SPATA25: variants seen among roughly 807,000 people sequenced by gnomAD.
SPATA25 encodes the protein spermatogenesis associated 25, also known as spermatogenesis-associated protein 25.
SPATA25 carries 16 observed loss-of-function variants against 16.0 expected under a neutral mutation model. The ratio of observed to expected loss-of-function variants is 1.00; its 90% CI spans 0.68 to 1.52. The LOEUF is 1.52. Ranked by LOEUF, SPATA25 falls within the 40% of genes most tolerant of loss-of-function variation. The pLI is 0.00. For missense variants in SPATA25, 285 were observed against 289.2 expected, an observed-to-expected ratio of 0.99 and a Z score of 0.11; for synonymous variants, 115 against 118.5, an observed-to-expected ratio of 0.97 and a Z score of 0.19.
upstream of SPATA25, chr20:45,890,452 C>G: frequency 6.2e-7 from 1 of 1,606,646 alleles, no homozygotes; most frequent in African/African-American, 1.3e-5. Context: ...TCGGAGGCAG[C>G]ACGTTCAGCT....
upstream of SPATA25, among the ~76,000 whole-genome samples, chr20:45,888,293 C>G (rs908365861): frequency 3.3e-5 from 5 of 152,186 alleles, no homozygotes; most frequent in African/African-American, 1.2e-4. Flanking sequence ...GCTGGGATTA[C>G]AGGCCAGGTA....
upstream of SPATA25, chr20:45,890,863 G>A (rs752171358): frequency 2.5e-6 from 4 of 1,570,536 alleles, no homozygotes; most frequent in Admixed American, 5.5e-5. Context: ...CCACGCGTGT[G>A]GCCCGCGTCC....
upstream of SPATA25, chr20:45,890,542 C>T: frequency 6.2e-7 from 1 of 1,610,082 alleles, no homozygotes; most frequent in Non-Finnish European, 8.5e-7. Context: ...TGCGAAACTG[C>T]TCAATGCGCA....
Position 45,887,604 on chromosome 20 carries a change from C to T in SPATA25, c.-14G>A. ...GAAGTAGGACATGGCTTCCCCAAAG[C>T]CCCGGTTTGTGAGGGAATAGTGATC... is the stretch of plus-strand genomic sequence containing the variant. On this transcript the variant is annotated 5_prime_UTR_variant, in exon 1 of 2. Transcript: ENST00000372519. 1.9e-6 allele frequency: 3 copies of T among 1,612,928 alleles called. No individual in the cohort carries two copies. Among genetic ancestry groups the T allele is most frequent in the Non-Finnish European group, 2.5e-6 (3 of 1,179,306 alleles).
upstream of SPATA25, chr20:45,890,556 A>G (rs1222709014): frequency 6.2e-6 from 10 of 1,611,590 alleles, no homozygotes; most frequent in South Asian, 8.8e-5. Context: ...ATGCGCAGAT[A>G]TGGTTCCACG....
chr20:45,890,613 G>A (rs1223984971), upstream of SPATA25: 1 of 1,612,808 alleles, frequency 6.2e-7, no homozygotes, highest in South Asian at 1.1e-5. Flanking sequence ...GCCTCCGGGC[G>A]GCCCTCCCGG....
At chr20:45,888,530 G>C, upstream of SPATA25, 1 of 527,844 alleles carries the variant, frequency 1.9e-6, no homozygotes, top group Non-Finnish European at 3.4e-6. Flanking sequence ...CTAACAAGCA[G>C]CCAGCCTAGG....
chr20:45,888,910 G>A (rs1986594309), upstream of SPATA25: 1 of 1,612,904 alleles, frequency 6.2e-7, no homozygotes, highest in Non-Finnish European at 8.5e-7. Flanking sequence ...AACTGAACTG[G>A]AGGGTGGGTC....
chr20:45,890,005 A>C (rs191676385), upstream of SPATA25: 5 of 575,322 alleles, frequency 8.7e-6, no homozygotes, highest in East Asian at 1.5e-4. Context: ...TGAATACAGG[A>C]AACACTATCA....
At chr20:45,890,213 A>C (rs377477631), upstream of SPATA25, 579 of 1,612,548 alleles carry the variant, frequency 3.6e-4, 5 homozygotes, top group African/African-American at 7.1e-3. Context: ...CAGTCCCCAC[A>C]CTGAGCCAGG....
At position 45,887,597 on chromosome 20, in the gene SPATA25, C is replaced by T. The variant is rs765542167; in HGVS notation, c.-7G>A. On this transcript the variant is annotated 5_prime_UTR_variant, in exon 1 of 2. Coordinates refer to ENST00000372519, the MANE Select transcript of SPATA25 (RefSeq NM_080608.4). Reference sequence around the variant, plus strand: ...GAGTCCTGAAGTAGGACATGGCTTCCCCAAAGCCCCGGTTTGTGAGGGAAT... The same window carrying T: ...GAGTCCTGAAGTAGGACATGGCTTCTCCAAAGCCCCGGTTTGTGAGGGAAT... The T allele has an allele frequency of 2.4e-5, 38 of 1,613,120 alleles. No individual in the cohort carries two copies. The South Asian group carries it at 3.9e-4, about 16-fold the overall frequency.
chr20:45,887,317 G>A (rs1023576358), intron 1 of SPATA25, among the ~76,000 whole-genome samples, 172 bp from the exon 2 acceptor site: 2 of 152,358 alleles, frequency 1.3e-5, no homozygotes, highest in Middle Eastern at 6.8e-3. Context: ...TCCCCAACAC[G>A]GAGTAGGTGA....
upstream of SPATA25, chr20:45,890,993 T>C (rs1452183064): frequency 6.7e-7 from 1 of 1,485,102 alleles, no homozygotes; most frequent in Non-Finnish European, 8.9e-7. Flanking sequence ...AGCAGCCATC[T>C]CTCGGCCATA....
Position 45,886,700 on chromosome 20 carries a change from C to T in SPATA25, c.501G>A (p.Val167=), listed in dbSNP as rs141224523. 2.3e-3 allele frequency: 3,774 copies of T among 1,614,150 alleles called. 80 individuals carry two copies. In the East Asian group the frequency reaches 0.047, roughly 20 times the overall value. The change falls in exon 2 of 2, where the codon GTG becomes GTA. Residue 167 remains valine (V), a synonymous_variant. Coordinates refer to ENST00000372519, the MANE Select transcript of SPATA25 (RefSeq NM_080608.4). ...LAMMIAGIPT[V]PVPGVREEDL... Reference sequence around the variant, plus strand: ...CCTCTTCCCGAACTCCTGGGACGGGCACGGTGGGGATGCCAGCGATCATCA... The same window carrying T: ...CCTCTTCCCGAACTCCTGGGACGGGTACGGTGGGGATGCCAGCGATCATCA...
At chr20:45,887,188 TGAG>T in intron 1 of SPATA25, 43 bp from the exon 2 acceptor site, 13 of 1,540,514 alleles carry the variant, frequency 8.4e-6, no homozygotes, top group Non-Finnish European at 1.1e-5. Flanking sequence ...CTCAGTTCTT[TGAG>T]GAGGGGGCCC....
At chr20:45,890,645 G>C (rs1986742394), upstream of SPATA25, 1 of 1,613,382 alleles carries the variant, frequency 6.2e-7, no homozygotes. Context: ...GTGGTGGCGC[G>C]TGATGGCGAA....
upstream of SPATA25, chr20:45,890,889 G>T (rs778797215): frequency 2.6e-6 from 4 of 1,566,344 alleles, no homozygotes; most frequent in East Asian, 2.3e-5. Flanking sequence ...GGGTCCACGC[G>T]GATGTTGGCA....
rs1306474746 is a variant in SPATA25 at position 45,886,967 on chromosome 20, G to C, written c.234C>G (p.Ser78Arg). The C allele has an allele frequency of 6.2e-7, 1 of 1,613,994 alleles. No homozygotes were observed. Among genetic ancestry groups the C allele is most frequent in the Non-Finnish European group, 8.5e-7 (1 of 1,180,028 alleles). The stretch of plus-strand genomic sequence containing the variant: ...TGTATTCCTTCCGTAGTGTCTCCCA[G>C]CTAGTCCCCCCAGGGCAGCCCCTGG... The part of the protein sequence containing the change: ...PQARGCPGGT[S>R]WETLRKEYSR... The change falls in exon 2 of 2, where the codon AGC (serine) becomes AGG (arginine). Residue 78 changes from serine to arginine, a missense_variant. Physicochemically the swap from Ser to Arg is moderately radical, Grantham distance 110 (BLOSUM62 -1). Transcript: ENST00000372519.
upstream of SPATA25, among the ~76,000 whole-genome samples, chr20:45,889,619 C>CTCTCTT (rs1555831039): frequency 5.2e-4 from 78 of 150,552 alleles, no homozygotes; most frequent in Non-Finnish European, 9.3e-4. Flanking sequence ...CTCTCTCTCT[C>CTCTCTT]TCTTTCTTTT....
Sources: gnomAD v4.1 joint callset for allele counts (sites outside exome capture counted in the v4.1 genomes callset) on GRCh38, gnomAD v4.1.1 for gene constraint, MANE v1.5 for transcripts, NCBI Gene and HGNC (gene_info 2026-07-23, HGNC 2026-07-21) for gene names.